The following CDH4 variants were observed in gnomAD, a reference collection of about 807,000 sequenced individuals.
CDH4 encodes the protein cadherin-4.
A neutral mutation model predicts 86.0 loss-of-function variants in CDH4; 33 were observed. The ratio of observed to expected loss-of-function variants is 0.38; its 90% CI spans 0.29 to 0.51. CDH4 has a LOEUF of 0.51. Ranked by LOEUF, CDH4 falls within the 20% of genes least tolerant of loss-of-function variation. The pLI, the probability that CDH4 is intolerant of heterozygous loss-of-function variation, is 0.86. For missense variants in CDH4, 1,114 were observed against 1,307.4 expected, an observed-to-expected ratio of 0.85 and a Z score of 2.28; for synonymous variants, 555 against 549.4, an observed-to-expected ratio of 1.01 and a Z score of -0.14.
At chr20:61,410,332 C>T (rs940453009) in intron 2 of CDH4, among the ~76,000 whole-genome samples, 12 of 152,156 alleles carry the variant, frequency 7.9e-5, no homozygotes, top group African/African-American at 2.9e-4. Context: ...TCCATTCTTC[C>T]ATCTGTCCAT....
At chr20:61,814,550 T>C (rs1042581485) in intron 4 of CDH4, among the ~76,000 whole-genome samples, 1 of 152,224 alleles carries the variant, frequency 6.6e-6, no homozygotes, top group Non-Finnish European at 1.5e-5. Flanking sequence ...GCAGAGCTCA[T>C]GTACAGAGAC....
chr20:61,482,827 G>A (rs2085575499), intron 2 of CDH4, among the ~76,000 whole-genome samples: 1 of 152,220 alleles, frequency 6.6e-6, no homozygotes. Context: ...CACATGCCAG[G>A]CCTGGTCCTC....
At chr20:61,474,235 A>T in intron 2 of CDH4, among the ~76,000 whole-genome samples, 1 of 127,752 alleles carries the variant, frequency 7.8e-6, no homozygotes, top group East Asian at 2.3e-4. Context: ...ATCTTGGCTC[A>T]CTGCAACCCC....
At chr20:61,792,638 C>CTGTG (rs139135636) in intron 4 of CDH4, among the ~76,000 whole-genome samples, 6 of 150,776 alleles carry the variant, frequency 4.0e-5, no homozygotes, top group African/African-American at 1.2e-4. Context: ...TTAGATGATG[C>CTGTG]TGTGTGTGTG....
chr20:61,565,412 C>A (rs28583000), intron 2 of CDH4, among the ~76,000 whole-genome samples: 3 of 75,028 alleles, frequency 4.0e-5, no homozygotes, highest in African/African-American at 1.5e-4. Context: ...TGGCGGTGCT[C>A]TTGCTATTGT....
chr20:61,680,883 G>T (rs1245040841), intron 2 of CDH4, among the ~76,000 whole-genome samples: 1 of 152,160 alleles, frequency 6.6e-6, no homozygotes, highest in African/African-American at 2.4e-5. Context: ...GAAGCCAGGG[G>T]TGGCCGCCTG....
intron 2 of CDH4, chr20:61,738,729 C>T (rs1029302491): frequency 6.6e-6 from 1 of 152,298 alleles, no homozygotes; most frequent in Non-Finnish European, 1.5e-5. Context: ...ATCCTCCCAG[C>T]CTCGGGAAGA....
At chr20:61,471,062 T>G (rs1322038213) in intron 2 of CDH4, among the ~76,000 whole-genome samples, 1 of 152,056 alleles carries the variant, frequency 6.6e-6, no homozygotes, top group Non-Finnish European at 1.5e-5. Flanking sequence ...ATAATGAGTT[T>G]GGAAGTATCC....
At chr20:61,418,372 G>A (rs1261688152) in intron 2 of CDH4, among the ~76,000 whole-genome samples, 2 of 151,848 alleles carry the variant, frequency 1.3e-5, no homozygotes, top group African/African-American at 4.8e-5. Flanking sequence ...CACCACACCT[G>A]GCTAATTTTT....
chr20:61,588,950 T>TA (rs2086498234), intron 2 of CDH4, among the ~76,000 whole-genome samples: 1 of 152,232 alleles, frequency 6.6e-6, no homozygotes. Context: ...ATTCTGTTCG[T>TA]AAAAACACAC....
intron 4 of CDH4, among the ~76,000 whole-genome samples, chr20:61,830,039 T>C (rs922904866): frequency 1.3e-5 from 2 of 151,792 alleles, no homozygotes; most frequent in African/African-American, 4.8e-5. Context: ...CTAAATTTTT[T>C]TTCTGTCCCC....
At chr20:61,444,551 TTG>T (rs1297806121) in intron 2 of CDH4, among the ~76,000 whole-genome samples, 1 of 86,556 alleles carries the variant, frequency 1.2e-5, no homozygotes, top group Admixed American at 1.5e-4. Context: ...ATGTGTATCT[TTG>T]TGTGTCTTTG....
intron 2 of CDH4, among the ~76,000 whole-genome samples, chr20:61,290,190 G>C (rs879521709): frequency 1.2e-5 from 1 of 83,154 alleles, no homozygotes. Context: ...GTTTATCCCC[G>C]TATCCAATGA....
intron 2 of CDH4, among the ~76,000 whole-genome samples, chr20:61,355,968 T>C (rs1439578940): frequency 1.3e-5 from 2 of 152,348 alleles, no homozygotes; most frequent in Non-Finnish European, 2.9e-5. Context: ...GAGAGCATGT[T>C]ATGGGGTTTC....
At position 61,307,329 on chromosome 20, in the gene CDH4, G is replaced by A. The variant is rs150362221; in HGVS notation, c.169+52392G>A. ...ACTCAGAGCTTACATGCTCCAACAC[G>A]CCTTGCATGTATCATTAGGCACTCA... On this transcript the variant is annotated intron_variant, in intron 2 of 15. Coordinates refer to ENST00000614565, the MANE Select transcript of CDH4 (RefSeq NM_001794.5). Among the ~76,000 whole-genome samples, 499 of 150,454 alleles carry A rather than the reference G, an allele frequency of 3.3e-3. 5 individuals carry two copies. Among genetic ancestry groups the A allele is most frequent in the African/African-American group, 0.011 (462 of 40,770 alleles).
At chr20:61,484,821 C>T (rs1015419070) in intron 2 of CDH4, among the ~76,000 whole-genome samples, 2 of 152,192 alleles carry the variant, frequency 1.3e-5, no homozygotes, top group Admixed American at 1.3e-4. Context: ...AGTGTTGAGC[C>T]ACCTTATCCA....
chr20:61,605,423 C>T (rs1177243223), intron 2 of CDH4, among the ~76,000 whole-genome samples: 1 of 151,994 alleles, frequency 6.6e-6, no homozygotes, highest in Non-Finnish European at 1.5e-5. Context: ...GTCTGTTTCT[C>T]TATGTATATC....
chr20:61,713,637 G>A (rs566626118), intron 2 of CDH4, among the ~76,000 whole-genome samples: 6 of 152,326 alleles, frequency 3.9e-5, no homozygotes, highest in South Asian at 4.1e-4. Flanking sequence ...GTGCTCCCAC[G>A]CCAGCGCTGA....
intron 9 of CDH4, among the ~76,000 whole-genome samples, chr20:61,916,993 C>A (rs2054909431): frequency 6.6e-6 from 1 of 152,176 alleles, no homozygotes; most frequent in Non-Finnish European, 1.5e-5. Flanking sequence ...CACTCCTGGG[C>A]AACTGTCAGA....
Sources: allele counts gnomAD v4.1 joint callset (sites outside exome capture counted in the v4.1 genomes callset), GRCh38; gene constraint gnomAD v4.1.1; transcripts MANE v1.5; gene names NCBI Gene and HGNC (gene_info 2026-07-23, HGNC 2026-07-21).